Variants in HEXD observed in about 807,000 individuals in gnomAD.
HEXD encodes hexosaminidase D.
Under a neutral mutation model 54.2 loss-of-function variants are expected in HEXD, and 47 were observed. The observed-to-expected ratio is 0.87, with a 90% CI of 0.69 to 1.11. HEXD has a LOEUF of 1.11. Among genes scored for constraint, HEXD ranks in the 50% least tolerant of loss-of-function variants. HEXD has a pLI of 0.00. For missense variants in HEXD, 576 were observed against 649.2 expected (o/e 0.89, Z 1.23); for synonymous variants, 293 against 287.6 (o/e 1.02, Z -0.19).
intron 3 of HEXD, 54 bp downstream of exon 3, chr17:82,424,557 G>C (rs990149459): frequency 3.1e-6 from 4 of 1,290,268 alleles, no homozygotes; most frequent in Non-Finnish European, 4.5e-6. Context: ...GGGAAGGGGG[G>C]GTTCCGCAGG....
At chr17:82,433,594 G>A (rs1160806799) in intron 4 of HEXD, 64 bp from the exon 5 acceptor site, 6 of 1,435,808 alleles carry the variant, frequency 4.2e-6, no homozygotes, top group African/African-American at 1.5e-5. Context: ...GAAGCCCCAG[G>A]TGGGCAGAAG....
At chr17:82,425,017 GAGGCTAGAGA>G (rs2053360546) in intron 3 of HEXD, among the ~76,000 whole-genome samples, 1 of 150,106 alleles carries the variant, frequency 6.7e-6, no homozygotes, top group African/African-American at 2.5e-5. Context: ...AAGGCTGGAG[GAGGCTAGAGA>G]AGGCTGGAGG....
At chr17:82,425,187 CGGAGAAGGCT>C (rs1331555395) in intron 3 of HEXD, among the ~76,000 whole-genome samples, 4 of 102,030 alleles carry the variant, frequency 3.9e-5, no homozygotes, top group Non-Finnish European at 7.7e-5. Context: ...TGGAGGAGGC[CGGAGAAGGCT>C]GGAGGAGGCT....
At position 82,441,832 on chromosome 17, in the gene HEXD, G is replaced by A. The variant is rs760603638; in HGVS notation, c.1196G>A (p.Arg399His). The A allele has an allele frequency of 3.8e-5, 61 of 1,612,818 alleles. No homozygotes were observed. The highest frequency in any genetic ancestry group is 4.6e-5 in the Non-Finnish European group (54 of 1,179,980). Reference protein sequence around the residue: ...YVTGWFSPYHRQRKLIHPVMV... With the variant: ...YVTGWFSPYHHQRKLIHPVMV... ...ACTGGCTGGTTCAGCCCCTACCACC[G>A]CCAGCGGAAGCTCATCCACCCGGTC... is the stretch of plus-strand genomic sequence containing the variant. The change falls in exon 12 of 13, where the codon CGC becomes CAC. Residue 399 changes from arginine (R) to histidine (H), a missense_variant. Arg to His is a conservative substitution (Grantham distance 29, BLOSUM62 0). Transcript: ENST00000327949.
chr17:82,428,736 C>G, intron 4 of HEXD, 91 bp downstream of exon 4: 2 of 1,087,672 alleles, frequency 1.8e-6, no homozygotes, highest in Non-Finnish European at 2.8e-6. Flanking sequence ...GTGGGTGCAG[C>G]GGGCCCATGG....
chr17:82,421,767 A>G (rs1247753965), intron 2 of HEXD, among the ~76,000 whole-genome samples: 2 of 152,218 alleles, frequency 1.3e-5, no homozygotes, highest in African/African-American at 2.4e-5. Context: ...CAGAGGTTGC[A>G]GTGAGCCAAG....
chr17:82,436,563 G>C lies in HEXD; in HGVS notation c.632-104G>C. On this transcript the variant is annotated intron_variant, in intron 6 of 12. Coordinates refer to ENST00000327949, the MANE Select transcript of HEXD (RefSeq NM_001330542.2). ...CACGGTGCCAAGTCTGTCTTAAAAA[G>C]GTATCTGTGCTCACACTTTCAAGCA... The C allele has an allele frequency of 5.7e-6, 5 of 873,328 alleles. No individual in the cohort carries two copies. In the South Asian group the frequency reaches 8.0e-5, roughly 14 times the overall value. 54.1% of individuals were successfully genotyped at this position (873,328 alleles called of 1,614,324 possible).
Position 82,442,226 on chromosome 17 carries a change from C to A in HEXD, c.1303C>A (p.Gln435Lys). 1 of 1,605,340 alleles carries A rather than the reference C, an allele frequency of 6.2e-7. No homozygotes were observed. The highest frequency in any genetic ancestry group is 8.5e-7 in the Non-Finnish European group (1 of 1,179,792). The change falls in exon 13 of 13, where the codon CAG (glutamine) becomes AAG (lysine). Residue 435 changes from glutamine to lysine, a missense_variant. Gln to Lys is a moderately conservative substitution (Grantham distance 53). Coordinates refer to ENST00000327949, the MANE Select transcript of HEXD (RefSeq NM_001330542.2). This position sits in a 1 kb window ranked among gnomAD's most constrained non-coding sequence, Gnocchi z 6.8. The part of the protein sequence containing the change: ...TLVQELEAAL[Q>K]LAFYPDAVEE... ...CGTGCAGGAGCTGGAGGCTGCCCTG[C>A]AGCTGGCTTTCTACCCGGATGCCGT...
chr17:82,439,755 C>A lies in HEXD; in HGVS notation c.982+42C>A, dbSNP rs188037176. On this transcript the variant is annotated intron_variant, in intron 9 of 12. Coordinates refer to ENST00000327949, the MANE Select transcript of HEXD (RefSeq NM_001330542.2). ...CACCCCAAGCCCCACCGGCCCCTCC[C>A]CGAAAGACCCGGAGGGCAGGAGGCC... 188 of 1,598,534 alleles carry A rather than the reference C, an allele frequency of 1.2e-4. No homozygotes were observed. In the East Asian group the frequency reaches 4.2e-3, roughly 35 times the overall value.
At chr17:82,420,561 C>G (rs755227775) in intron 2 of HEXD, 2 of 152,264 alleles carry the variant, frequency 1.3e-5, no homozygotes, top group African/African-American at 4.8e-5. Flanking sequence ...TTGTGTCAAG[C>G]CGCCCAGTTG....
rs1003752122 is a variant in HEXD at position 82,425,142 on chromosome 17, A to AAGGCTGGAGG, written c.194+645_194+654dup. Among the ~76,000 whole-genome samples, 15 of 132,912 alleles carry AAGGCTGGAGG rather than the reference A, an allele frequency of 1.1e-4. 2 individuals carry two copies. The highest frequency in any genetic ancestry group is 3.8e-4 in the African/African-American group (13 of 34,086). The allele number at this position is 132,912 out of a possible 152,430, so 87.2% of individuals were successfully genotyped here. A position where few individuals can be genotyped will look rare whatever the true frequency, so the allele number is the denominator to read the frequency against. On this transcript the variant is annotated intron_variant, in intron 3 of 12. Transcript: ENST00000327949. ...TGGAGGAGGCCAGAGAAGGCTGGAG[A>AAGGCTGGAGG]AGGCTGGAGGAGGCTAGAGAAGGCT...
chr17:82,422,894 T>TCCAAA (rs2053278358), intron 2 of HEXD, among the ~76,000 whole-genome samples: 1 of 151,888 alleles, frequency 6.6e-6, no homozygotes, highest in African/African-American at 2.4e-5. Context: ...CTGTCTCTAT[T>TCCAAA]AAAAATACAA....
At chr17:82,430,199 C>T (rs1159202558) in intron 4 of HEXD, among the ~76,000 whole-genome samples, 1 of 152,182 alleles carries the variant, frequency 6.6e-6, no homozygotes, top group Non-Finnish European at 1.5e-5. Flanking sequence ...CAGCCCTGAC[C>T]ACTCACACTC....
rs781386387 is a variant in HEXD, at chr17:82,441,645, CAGG to C, written c.1164-148_1164-146del. Among the ~76,000 whole-genome samples the C allele has an allele frequency of 1.4e-4, 21 of 152,210 alleles. No homozygotes were observed. The Middle Eastern group carries it at 0.017, about 124-fold the overall frequency. On this transcript the variant is annotated intron_variant, in intron 11 of 12. Transcript: ENST00000327949. ...TCACAAGTCCCCCCACTCCCAGGCA[CAGG>C]AGGAGGCAGCCTCATCCTTCACAAA... is the stretch of plus-strand genomic sequence containing the variant.
rs752791797 is a variant in HEXD, at chr17:82,436,715, C to T, written c.680C>T (p.Ala227Val). ...GAGCCGGTGCTCTGGGACTACACGG[C>T]CGACCTGGATGTGCACGGCAAGGGT... ...LVEPVLWDYT[A>V]DLDVHGKVLL... is the part of the protein sequence containing the mutation. The change falls in exon 7 of 13, where the codon GCC (alanine) becomes GTC (valine). Residue 227 changes from alanine to valine, a missense_variant. Coordinates refer to ENST00000327949, the MANE Select transcript of HEXD (RefSeq NM_001330542.2). 6.2e-6 allele frequency: 10 copies of T among 1,612,642 alleles called. No homozygotes were observed. The highest frequency in any genetic ancestry group is 8.5e-6 in the Non-Finnish European group (10 of 1,179,672).
chr17:82,418,471 C>G lies in HEXD; in HGVS notation c.-321C>G, dbSNP rs1390534916. 2.9e-5 allele frequency: 42 copies of G among 1,470,176 alleles called. No individual in the cohort carries two copies. The Admixed American group carries it at 5.6e-4, about 20-fold the overall frequency. The allele number at this position is 1,470,176 out of a possible 1,614,324, so 91.1% of individuals were successfully genotyped here. A position where few individuals can be genotyped will look rare whatever the true frequency, so the allele number is the denominator to read the frequency against. ...CCTCGGGCGCCTTGGTTGCGGCCCT[C>G]CGCTGAGGAGCCATCGGACCAGGCC... On this transcript the variant is annotated 5_prime_UTR_variant, in exon 1 of 13. Coordinates refer to ENST00000327949, the MANE Select transcript of HEXD (RefSeq NM_001330542.2).
chr17:82,424,358 C>G (rs1423914408), intron 2 of HEXD, 36 bp from the exon 3 acceptor site: 3 of 1,420,362 alleles, frequency 2.1e-6, no homozygotes, highest in Non-Finnish European at 3.0e-6. Flanking sequence ...GCTCCAGCAG[C>G]CACTTCTTCC....
At chr17:82,441,542 G>A (rs1393156602) in intron 11 of HEXD, among the ~76,000 whole-genome samples, 4 of 149,448 alleles carry the variant, frequency 2.7e-5, no homozygotes, top group Admixed American at 2.0e-4. Context: ...GTGGGTAAGC[G>A]GGAAGGCATG....
At chr17:82,432,764 G>A (rs1292036538) in intron 4 of HEXD, among the ~76,000 whole-genome samples, 2 of 151,572 alleles carry the variant, frequency 1.3e-5, no homozygotes, top group Non-Finnish European at 2.9e-5. Flanking sequence ...AAACCGATTT[G>A]GTTTTTAAAA....
Sources: allele counts gnomAD v4.1 joint callset (sites outside exome capture counted in the v4.1 genomes callset), GRCh38; gene constraint gnomAD v4.1.1; non-coding constraint Gnocchi (gnomAD v3.1); transcripts MANE v1.5; gene names NCBI Gene and HGNC (gene_info 2026-07-23, HGNC 2026-07-21).